PZP: variants seen among roughly 807,000 people sequenced by gnomAD.
PZP encodes the protein PZP alpha-2-macroglobulin like, also known as pregnancy zone protein.
A neutral mutation model predicts 179.8 loss-of-function variants in PZP; 150 were observed. The observed-to-expected ratio is 0.83, with a 90% CI of 0.73 to 0.96. PZP has a LOEUF of 0.96. PZP is among the 40% of genes least tolerant of loss of function. The pLI, the probability that PZP is intolerant of heterozygous loss-of-function variation, is 0.00. For synonymous variants in PZP, 624 were observed against 652.3 expected (o/e 0.96, Z 0.66); for missense variants, 1,689 against 1,764.0 (o/e 0.96, Z 0.76).
In PZP at chr12:9,169,602, G is replaced by T; in HGVS notation, c.1840-11C>A. On this transcript the variant is annotated splice_polypyrimidine_tract_variant and intron_variant, in intron 15 of 35. Transcript: ENST00000261336. ...TAGCAGATTATATACCTGTAGCAGT[G>T]GGGGGATCAAAGGCAGAACTGTTAC... 6.3e-7 allele frequency: 1 copy of T among 1,581,666 alleles called. No homozygotes were observed. Among genetic ancestry groups the T allele is most frequent in the Non-Finnish European group, 8.6e-7 (1 of 1,167,552 alleles).
chr12:9,155,123 TAGAG>T (rs1294813201), intron 28 of PZP, among the ~76,000 whole-genome samples: 1 of 152,214 alleles, frequency 6.6e-6, no homozygotes, highest in Non-Finnish European at 1.5e-5. Context: ...AGAAAAGTGG[TAGAG>T]AGAGTTCTTT....
chr12:9,173,945 G>A (rs1024601953), intron 15 of PZP, among the ~76,000 whole-genome samples: 3 of 152,088 alleles, frequency 2.0e-5, no homozygotes, highest in African/African-American at 7.2e-5. Flanking sequence ...TCCAAAAATT[G>A]AAAAGGAGGG....
At chr12:9,206,411 C>T (rs1190481885) in intron 1 of PZP, among the ~76,000 whole-genome samples, 4 of 151,972 alleles carry the variant, frequency 2.6e-5, no homozygotes, top group Non-Finnish European at 2.9e-5. Context: ...CAGAACAAAT[C>T]CAGGTTGACA....
chr12:9,185,801 T>TTTCTTTTCTTTTCTTTTCTTTTCTTTTC (rs1565652475), intron 13 of PZP, among the ~76,000 whole-genome samples: 4 of 148,046 alleles, frequency 2.7e-5, no homozygotes, highest in Non-Finnish European at 4.5e-5. Context: ...TTTCTTTTCT[T>TTTCTTTTCTTTTCTTTTCTTTTCTTTTC]TTCTTTTCTT....
Position 9,181,114 on chromosome 12 carries a change from G to A in PZP, c.1708C>T (p.Pro570Ser). The A allele has an allele frequency of 3.7e-6, 6 of 1,614,088 alleles. No homozygotes were observed. Among genetic ancestry groups the A allele is most frequent in the Non-Finnish European group, 5.1e-6 (6 of 1,179,996 alleles). The change falls in exon 15 of 36, where the codon CCA becomes TCA. Residue 570 changes from proline to serine, a missense_variant. Pro to Ser is a moderately conservative substitution (Grantham distance 74). Around this residue, in one of 3 missense-constraint regions of PZP, gnomAD observed 742 missense variants for 730.5 expected, o/e 1.02. Transcript: ENST00000261336. ...TGTGAGGCTGGGGGACTTTGTGCTGGGCTGAAGCTCAAATCCACCTGTGGG... is the reference window on the plus strand; with the variant it reads ...TGTGAGGCTGGGGGACTTTGTGCTGAGCTGAAGCTCAAATCCACCTGTGGG... The part of the protein sequence containing the change: ...LANKVDLSFS[P>S]AQSPPASHAH...
rs1230510271 is a variant in PZP, at chr12:9,170,535, C to G, written c.1840-944G>C. On this transcript the variant is annotated intron_variant, in intron 15 of 35. Transcript: ENST00000261336. The surrounding 1 kb of genome is among the most constrained non-coding windows in gnomAD (Gnocchi z 4.6). ...ACAGCACCTCACAGGTTAAGACTCA[C>G]TGTCTTGGAATCTCAGCCAGCCGAC... Among the ~76,000 whole-genome samples, 1 of 152,226 alleles carries G rather than the reference C, an allele frequency of 6.6e-6. No homozygotes were observed. The highest frequency in any genetic ancestry group is 1.5e-5 in the Non-Finnish European group (1 of 68,042).
chr12:9,138,417 TA>T, the PZP span, among the ~76,000 whole-genome samples: 4 of 151,992 alleles, frequency 2.6e-5, no homozygotes, highest in Non-Finnish European at 5.9e-5. Flanking sequence ...CTAATATTTT[TA>T]AAATATTTTT....
In PZP at chr12:9,194,185, G is replaced by A. The variant is rs34502103; in HGVS notation, c.1146C>T (p.Ile382=). ...AGTAATAATTGGCGTCATTCACAGA[G>A]ATGAAGAAGAGTTTATTGGGGATGG... is the stretch of plus-strand genomic sequence containing the variant. ...GVPIPNKLFF[I]SVNDANYYSN... is the part of the protein sequence containing the mutation. The change falls in exon 11 of 36, where the codon ATC becomes ATT. Residue 382 remains isoleucine (I), a synonymous_variant. Coordinates refer to ENST00000261336, the MANE Select transcript of PZP (RefSeq NM_002864.3). The A allele has an allele frequency of 2.4e-4, 385 of 1,613,966 alleles. No homozygotes were observed. Among genetic ancestry groups the A allele is most frequent in the Admixed American group, 4.0e-4 (24 of 60,016 alleles).
At chr12:9,166,307 G>T in intron 17 of PZP, 105 bp from the exon 18 acceptor site, 1 of 1,039,764 alleles carries the variant, frequency 9.6e-7, no homozygotes, top group Non-Finnish European at 1.4e-6. Flanking sequence ...TGCTCAGACT[G>T]TCCTAAAAGT....
At position 9,200,762 on chromosome 12, in the gene PZP, A is replaced by G. The variant is rs1032149154; in HGVS notation, c.670+130T>C. ...GAGCTTCTGTGTTCACACCGTCCTA[A>G]TGGTCTTAGAAGCAGTAAGTCTGAC... On this transcript the variant is annotated intron_variant, in intron 6 of 35. Transcript: ENST00000261336. 13 of 972,226 alleles carry G rather than the reference A, an allele frequency of 1.3e-5. No homozygotes were observed. In the African/African-American group the frequency reaches 1.5e-4, roughly 11 times the overall value. The allele number at this position is 972,226 out of a possible 1,614,324, so 60.2% of individuals were successfully genotyped here. A position where few individuals can be genotyped will look rare whatever the true frequency, so the allele number is the denominator to read the frequency against.
intron 8 of PZP, 25 bp downstream of exon 8, chr12:9,196,987 C>G (rs1228781315): frequency 1.0e-5 from 15 of 1,486,848 alleles, no homozygotes; most frequent in Non-Finnish European, 1.3e-5. Flanking sequence ...AGTGATAGCA[C>G]TGAGGGAGAA....
chr12:9,201,126 G>T, intron 5 of PZP, 66 bp from the exon 6 acceptor site: 2 of 1,565,226 alleles, frequency 1.3e-6, no homozygotes, highest in Non-Finnish European at 1.7e-6. Flanking sequence ...CAACTCAAAT[G>T]ATTTTGAAGG....
At chr12:9,202,431 A>G (rs781714741) in intron 3 of PZP, 60 bp from the exon 4 acceptor site, 1 of 1,613,236 alleles carries the variant, frequency 6.2e-7, no homozygotes, top group South Asian at 1.1e-5. Context: ...TTGGGTAATA[A>G]GACAGGAGGC....
At chr12:9,168,999 T>TTACAAGTAGATTGA in intron 16 of PZP, 25 bp from the exon 17 acceptor site, 1 of 1,510,518 alleles carries the variant, frequency 6.6e-7, no homozygotes, top group Non-Finnish European at 9.2e-7. Flanking sequence ...TTGTTCAATC[T>TTACAAGTAGATTGA]ACTTGTAAGC....
chr12:9,186,391 T>A (rs1943120444), intron 13 of PZP, among the ~76,000 whole-genome samples: 1 of 152,152 alleles, frequency 6.6e-6, no homozygotes, highest in Admixed American at 6.5e-5. Context: ...CAGATTCAAA[T>A]TCACGCATCT....
chr12:9,201,458 C>G (rs1261154778), intron 4 of PZP, 111 bp from the exon 5 acceptor site: 3 of 787,182 alleles, frequency 3.8e-6, no homozygotes, highest in Non-Finnish European at 6.2e-6. Flanking sequence ...TAGCTAAATT[C>G]AACAAGAAAC....
chr12:9,185,794 C>CTTTTCTTTTCTTTTCTTTTCTTTT (rs1943066331), intron 13 of PZP, among the ~76,000 whole-genome samples: 4 of 145,658 alleles, frequency 2.7e-5, no homozygotes, highest in Admixed American at 2.1e-4. Context: ...TTCAACATTT[C>CTTTTCTTTTCTTTTCTTTTCTTTT]TTTTCTTTTC....
intron 10 of PZP, among the ~76,000 whole-genome samples, chr12:9,194,661 T>C (rs1032232556): frequency 6.6e-6 from 1 of 152,036 alleles, no homozygotes. Context: ...AGACGGGGTT[T>C]CACCATGTTA....
chr12:9,156,698 T>C (rs1033642677), intron 28 of PZP, among the ~76,000 whole-genome samples: 25 of 152,184 alleles, frequency 1.6e-4, no homozygotes, highest in African/African-American at 6.0e-4. Flanking sequence ...GTGTAACATA[T>C]GCAATCCCAG....
Sources: allele counts gnomAD v4.1 joint callset (sites outside exome capture counted in the v4.1 genomes callset), GRCh38; gene constraint gnomAD v4.1.1; regional missense constraint gnomAD v4.1.1; non-coding constraint Gnocchi (gnomAD v3.1); transcripts MANE v1.5; gene names NCBI Gene and HGNC (gene_info 2026-07-23, HGNC 2026-07-21).